The following ST3GAL1 variants were observed in gnomAD, a reference collection of about 807,000 sequenced individuals.
ST3GAL1 encodes ST3 beta-galactoside alpha-2,3-sialyltransferase 1.
A neutral mutation model predicts 34.1 loss-of-function variants in ST3GAL1; 16 were observed. The observed-to-expected ratio is 0.47, with a 90% confidence interval of 0.32 to 0.71. ST3GAL1 has a LOEUF of 0.71. ST3GAL1 is among the 30% of genes least tolerant of loss of function. The pLI is 0.04. For missense variants in ST3GAL1, 353 were observed against 447.4 expected (o/e 0.79, Z 1.90); for synonymous variants, 191 against 184.7 (o/e 1.03, Z -0.28).
chr8:133,533,551 C>T (rs2131049384), intron 2 of ST3GAL1, among the ~76,000 whole-genome samples: 1 of 152,342 alleles, frequency 6.6e-6, no homozygotes, highest in African/African-American at 2.4e-5. Context: ...GTCCATCCCT[C>T]CCAGCTCCCC....
rs1376531431 is a variant in ST3GAL1, at chr8:133,556,815, G to A, written c.-581-10889C>T. ...ATAGCCCTTTGAAATATGGTGTGGT[G>A]GAGGGGGGACATTTTGTTCTTTTGG... On this transcript the variant is annotated intron_variant, in intron 1 of 9. Coordinates refer to ENST00000522652, the MANE Select transcript of ST3GAL1 (RefSeq NM_173344.3). The surrounding 1 kb of genome is among the most constrained non-coding windows in gnomAD (Gnocchi z 8.9). 6.6e-6 allele frequency among the ~76,000 whole-genome samples: 1 copy of A among 152,128 alleles called. No homozygotes were observed. Among genetic ancestry groups the A allele is most frequent in the East Asian group, 1.9e-4 (1 of 5,184 alleles).
chr8:133,535,921 T>C (rs2945734), intron 2 of ST3GAL1, among the ~76,000 whole-genome samples: 42,153 of 152,172 alleles, frequency 0.28, 7,133 homozygotes, highest in Middle Eastern at 0.39. Context: ...CCAAAATAAT[T>C]TGTATGACTT....
At position 133,459,382 on chromosome 8, in the gene ST3GAL1, G is replaced by C. The variant is rs1815411997; in HGVS notation, c.*382C>G. The C allele has an allele frequency of 5.9e-6, 1 of 168,434 alleles. No individual in the cohort carries two copies. Among genetic ancestry groups the C allele is most frequent in the Non-Finnish European group, 1.3e-5 (1 of 79,280 alleles). 10.4% of individuals were successfully genotyped at this position (168,434 alleles called of 1,614,324 possible). On this transcript the variant is annotated 3_prime_UTR_variant, in exon 10 of 10. Transcript: ENST00000522652. This position sits in a 1 kb window ranked among gnomAD's most constrained non-coding sequence, Gnocchi z 4.7. ...GGAGGTAATCGCCACTCAAGTCTCT[G>C]CCCATCTTCCTGGGAAACTGTCCTG... is the stretch of plus-strand genomic sequence containing the variant.
At position 133,498,084 on chromosome 8, in the gene ST3GAL1, T is replaced by C. The variant is rs1817023233; in HGVS notation, c.-374+1051A>G. On this transcript the variant is annotated intron_variant, in intron 3 of 9. Coordinates refer to ENST00000522652, the MANE Select transcript of ST3GAL1 (RefSeq NM_173344.3). ...GAAGCCTTCCCTGGTCACCCTAAAA[T>C]CGCTGTCTCTGCCACTTGTTCTGTG... Among the ~76,000 whole-genome samples, 3 of 152,338 alleles carry C rather than the reference T, an allele frequency of 2.0e-5. No homozygotes were observed. In the South Asian group the frequency reaches 6.2e-4, roughly 32 times the overall value.
rs1819010326 is a variant in ST3GAL1, at chr8:133,556,076, A to G, written c.-581-10150T>C. Among the ~76,000 whole-genome samples, 1 of 151,828 alleles carries G rather than the reference A, an allele frequency of 6.6e-6. No individual in the cohort carries two copies. ...GCCTGGCTGATTTTTTTTGTATTTTAGTAGAGACGGGGTTTCATCATGTTG... is the reference window on the plus strand; with the variant it reads ...GCCTGGCTGATTTTTTTTGTATTTTGGTAGAGACGGGGTTTCATCATGTTG... On this transcript the variant is annotated intron_variant, in intron 1 of 9. Transcript: ENST00000522652. This position sits in a 1 kb window ranked among gnomAD's most constrained non-coding sequence, Gnocchi z 8.9.
chr8:133,551,532 GAAAGAGAAGGAAAGAAAGAAAGAAA>G (rs1330578912), intron 1 of ST3GAL1, among the ~76,000 whole-genome samples: 1 of 132,578 alleles, frequency 7.5e-6, no homozygotes, highest in Non-Finnish European at 1.6e-5. Context: ...GAAAGAGAAA[GAAAGAGAAGGAAAGAAAGAAAGAAA>G]GAAAGAAAGA....
At position 133,466,510 on chromosome 8, in the gene ST3GAL1, A is replaced by G. The variant is rs1815738503; in HGVS notation, c.307-420T>C. ...GTCACCACTTGAAAGAGAGAAAAAT[A>G]GCAGAAGCCTTCTAGCTGTGTCTTA... On this transcript the variant is annotated intron_variant, in intron 5 of 9. Transcript: ENST00000522652. This position sits in a 1 kb window ranked among gnomAD's most constrained non-coding sequence, Gnocchi z 4.4. Among the ~76,000 whole-genome samples, 1 of 152,180 alleles carries G rather than the reference A, an allele frequency of 6.6e-6. No individual in the cohort carries two copies. Among genetic ancestry groups the G allele is most frequent in the Non-Finnish European group, 1.5e-5 (1 of 68,020 alleles).
intron 1 of ST3GAL1, among the ~76,000 whole-genome samples, chr8:133,548,038 T>G (rs539953143): frequency 6.6e-6 from 1 of 152,266 alleles, no homozygotes; most frequent in South Asian, 2.1e-4. Context: ...CAGATTCTAT[T>G]TGGCACCTGC....
intron 5 of ST3GAL1, among the ~76,000 whole-genome samples, chr8:133,468,942 G>A (rs866575208): frequency 2.6e-5 from 4 of 152,288 alleles, no homozygotes; most frequent in African/African-American, 9.6e-5. Context: ...GTGCCCCTTA[G>A]GCTTGTAAAG....
At chr8:133,468,122 C>A (rs967199278) in intron 5 of ST3GAL1, among the ~76,000 whole-genome samples, 1 of 151,826 alleles carries the variant, frequency 6.6e-6, no homozygotes, top group Non-Finnish European at 1.5e-5. Context: ...ACGTATATAC[C>A]CCCAGAAATT....
Position 133,556,935 on chromosome 8 carries a change from G to C in ST3GAL1, c.-581-11009C>G, listed in dbSNP as rs778590106. 6.6e-6 allele frequency among the ~76,000 whole-genome samples: 1 copy of C among 152,110 alleles called. No individual in the cohort carries two copies. The highest frequency in any genetic ancestry group is 6.5e-5 in the Admixed American group (1 of 15,276). On this transcript the variant is annotated intron_variant, in intron 1 of 9. Coordinates refer to ENST00000522652, the MANE Select transcript of ST3GAL1 (RefSeq NM_173344.3). The surrounding 1 kb of genome is among the most constrained non-coding windows in gnomAD (Gnocchi z 8.9). ...AGGGAGACCAGATATACTGGGTCTCGAGCCTTTTATGATGTGCATGCATGT... is the reference window on the plus strand; with the variant it reads ...AGGGAGACCAGATATACTGGGTCTCCAGCCTTTTATGATGTGCATGCATGT...
chr8:133,465,793 A>T (rs1815707106), intron 6 of ST3GAL1, 101 bp downstream of exon 6: 1 of 1,371,132 alleles, frequency 7.3e-7, no homozygotes, highest in Non-Finnish European at 1.0e-6. Flanking sequence ...CAGTCCCAGG[A>T]CTGAACCTTG....
intron 2 of ST3GAL1, chr8:133,499,498 CAG>C (rs1307304654): frequency 6.6e-6 from 1 of 152,084 alleles, no homozygotes; most frequent in Non-Finnish European, 1.5e-5. Flanking sequence ...GAGCCTGCCC[CAG>C]AGAGTTTTAA....
chr8:133,473,781 T>C (rs1329350387), intron 5 of ST3GAL1, among the ~76,000 whole-genome samples: 1 of 152,214 alleles, frequency 6.6e-6, no homozygotes, highest in Admixed American at 6.5e-5. Flanking sequence ...TAGCATTTAG[T>C]AGGTAGAGAC....
chr8:133,561,342 A>T (rs1159113267), intron 1 of ST3GAL1, among the ~76,000 whole-genome samples: 1 of 152,102 alleles, frequency 6.6e-6, no homozygotes, highest in African/African-American at 2.4e-5. Flanking sequence ...TCCGAGTGCC[A>T]TGAATTCCTT....
chr8:133,535,447 G>A (rs1188182846), intron 2 of ST3GAL1, among the ~76,000 whole-genome samples: 1 of 151,896 alleles, frequency 6.6e-6, no homozygotes, highest in Non-Finnish European at 1.5e-5. Context: ...ACCTTGTGTT[G>A]GGCAAGTCTA....
At chr8:133,496,316 A>G (rs1214189389) in intron 3 of ST3GAL1, among the ~76,000 whole-genome samples, 1 of 152,206 alleles carries the variant, frequency 6.6e-6, no homozygotes, top group Non-Finnish European at 1.5e-5. Context: ...CTGGTTCTGC[A>G]GCCACAGGTC....
chr8:133,557,805 T>A (rs1041328402), intron 1 of ST3GAL1, among the ~76,000 whole-genome samples: 2 of 150,386 alleles, frequency 1.3e-5, no homozygotes, highest in African/African-American at 2.5e-5. Flanking sequence ...CTCAGGAGGC[T>A]GAGGCAGGAG....
intron 3 of ST3GAL1, among the ~76,000 whole-genome samples, chr8:133,490,292 T>C (rs559059409): frequency 2.2e-4 from 27 of 124,246 alleles, no homozygotes; most frequent in Non-Finnish European, 4.0e-4. Context: ...CTGAGCCTGC[T>C]CTTCCATGCT....
Sources: gnomAD v4.1 joint callset for allele counts (sites outside exome capture counted in the v4.1 genomes callset) on GRCh38, gnomAD v4.1.1 for gene constraint, Gnocchi (gnomAD v3.1) non-coding constraint, MANE v1.5 for transcripts, NCBI Gene and HGNC (gene_info 2026-07-23, HGNC 2026-07-21) for gene names.